DPYD: variants seen among roughly 807,000 people sequenced by gnomAD.
DPYD encodes dihydropyrimidine dehydrogenase.
DPYD carries 109 observed loss-of-function variants against 116.2 expected under a neutral mutation model. The ratio of observed to expected loss-of-function variants is 0.94; its 90% CI spans 0.80 to 1.10. The LOEUF is 1.10. Among genes scored for constraint, DPYD ranks in the 50% least tolerant of loss-of-function variants. The pLI is 0.00. For synonymous variants in DPYD, 440 were observed against 432.0 expected (o/e 1.02, Z -0.23); for missense variants, 1,302 against 1,254.5 (o/e 1.04, Z -0.57).
chr1:97,523,926 G>A (rs1405338552), intron 12 of DPYD, among the ~76,000 whole-genome samples: 4 of 151,998 alleles, frequency 2.6e-5, no homozygotes, highest in Non-Finnish European at 5.9e-5. Context: ...TGTGCTTAAT[G>A]CCACTGGAAC....
intron 12 of DPYD, among the ~76,000 whole-genome samples, chr1:97,544,998 C>A (rs984448607): frequency 6.6e-6 from 1 of 151,946 alleles, no homozygotes. Context: ...GCAGGCTGCT[C>A]AGTAAGATTT....
intron 3 of DPYD, among the ~76,000 whole-genome samples, chr1:97,758,547 T>C (rs1665391223): frequency 6.6e-6 from 1 of 152,132 alleles, no homozygotes; most frequent in African/African-American, 2.4e-5. Flanking sequence ...TGAAATCCAA[T>C]CCACAGCAGT....
intron 13 of DPYD, among the ~76,000 whole-genome samples, chr1:97,474,278 A>G (rs773977944): frequency 8.5e-5 from 13 of 152,114 alleles, no homozygotes; most frequent in Non-Finnish European, 1.5e-4. Flanking sequence ...TTCTAAATGT[A>G]AATATAAATA....
intron 19 of DPYD, among the ~76,000 whole-genome samples, chr1:97,222,869 T>A (rs1279924132): frequency 6.6e-6 from 1 of 152,138 alleles, no homozygotes; most frequent in Non-Finnish European, 1.5e-5. Flanking sequence ...TAATTTTGAA[T>A]GCTGTCAAGT....
chr1:97,130,827 T>TC, intron 20 of DPYD, among the ~76,000 whole-genome samples: 1 of 31,630 alleles, frequency 3.2e-5, no homozygotes, highest in Non-Finnish European at 6.5e-5. Flanking sequence ...CTTCCTTTCT[T>TC]TCTTCTTTCT....
intron 6 of DPYD, among the ~76,000 whole-genome samples, chr1:97,693,004 A>G (rs1319319096): frequency 2.0e-5 from 3 of 152,046 alleles, no homozygotes; most frequent in Non-Finnish European, 4.4e-5. Context: ...GCTATAGAAA[A>G]TGCAAGGTAT....
At chr1:97,535,833 C>A (rs12063030) in intron 12 of DPYD, among the ~76,000 whole-genome samples, 37,921 of 151,968 alleles carry the variant, frequency 0.25, 4,990 homozygotes, top group Admixed American at 0.31. Context: ...ATAAATTCTC[C>A]TTTACAAACA....
chr1:97,424,005 A>G (rs1277372117), intron 14 of DPYD, among the ~76,000 whole-genome samples: 2 of 152,122 alleles, frequency 1.3e-5, no homozygotes, highest in Non-Finnish European at 2.9e-5. Flanking sequence ...TAACACACCG[A>G]CACTATGACA....
intron 20 of DPYD, among the ~76,000 whole-genome samples, chr1:97,134,759 T>C (rs1653656433): frequency 1.3e-5 from 2 of 152,176 alleles, no homozygotes; most frequent in South Asian, 4.1e-4. Context: ...TCAGCGCAGC[T>C]CTGCAGGGCC....
chr1:97,641,290 T>G (rs1182435293), intron 8 of DPYD, among the ~76,000 whole-genome samples: 1 of 152,118 alleles, frequency 6.6e-6, no homozygotes, highest in East Asian at 1.9e-4. Context: ...ACTGAGAACT[T>G]CTTTTGGAGA....
At chr1:97,318,358 T>C (rs1029617460) in intron 16 of DPYD, among the ~76,000 whole-genome samples, 18 of 133,232 alleles carry the variant, frequency 1.4e-4, no homozygotes, top group African/African-American at 4.7e-4. Context: ...GAGACACACA[T>C]AGGCTCAAAA....
intron 11 of DPYD, among the ~76,000 whole-genome samples, chr1:97,563,011 G>A (rs545427987): frequency 3.6e-4 from 55 of 152,106 alleles, no homozygotes; most frequent in Non-Finnish European, 7.1e-4. Context: ...GAGCCACCAT[G>A]CCCGGCCAAA....
intron 2 of DPYD, among the ~76,000 whole-genome samples, chr1:97,834,401 G>A (rs995516380): frequency 6.6e-6 from 1 of 150,486 alleles, no homozygotes; most frequent in Non-Finnish European, 1.5e-5. Flanking sequence ...CAATTCAATA[G>A]GGTAACTGTT....
At chr1:97,526,130 T>C (rs1649070810) in intron 12 of DPYD, among the ~76,000 whole-genome samples, 1 of 152,096 alleles carries the variant, frequency 6.6e-6, no homozygotes, top group Non-Finnish European at 1.5e-5. Context: ...ACTTCCAATT[T>C]AGAATGAACT....
intron 19 of DPYD, among the ~76,000 whole-genome samples, chr1:97,232,975 A>G (rs973629170): frequency 2.0e-5 from 3 of 152,160 alleles, no homozygotes; most frequent in Admixed American, 6.5e-5. Context: ...TTTAATTGAA[A>G]TCTTGACAAT....
intron 3 of DPYD, among the ~76,000 whole-genome samples, chr1:97,822,585 G>A (rs1192064420): frequency 2.0e-5 from 3 of 151,692 alleles, no homozygotes; most frequent in African/African-American, 7.3e-5. Flanking sequence ...TTCCTAGAAG[G>A]TAAATTAATA....
intron 6 of DPYD, among the ~76,000 whole-genome samples, 196 bp downstream of exon 6, chr1:97,699,155 T>A (rs549654270): frequency 5.3e-5 from 8 of 152,226 alleles, no homozygotes; most frequent in Admixed American, 3.3e-4. Flanking sequence ...GAAAATTTTT[T>A]AAATAAATAT....
intron 3 of DPYD, among the ~76,000 whole-genome samples, chr1:97,758,235 A>T (rs540110962): frequency 6.6e-6 from 1 of 152,074 alleles, no homozygotes; most frequent in Non-Finnish European, 1.5e-5. Context: ...GCTAAGTGAA[A>T]CCTCATTTTT....
At chr1:97,905,301 C>T (rs1479198103) in intron 1 of DPYD, among the ~76,000 whole-genome samples, 1 of 151,856 alleles carries the variant, frequency 6.6e-6, no homozygotes, top group Non-Finnish European at 1.5e-5. Flanking sequence ...AGATCATATC[C>T]TTGTCATTAT....
Sources: gnomAD v4.1 joint callset for allele counts (sites outside exome capture counted in the v4.1 genomes callset) on GRCh38, gnomAD v4.1.1 for gene constraint, MANE v1.5 for transcripts, NCBI Gene and HGNC (gene_info 2026-07-23, HGNC 2026-07-21) for gene names.